Variants in IKZF1 observed in about 807,000 individuals in gnomAD.
IKZF1 encodes IKAROS family zinc finger 1.
Under a neutral mutation model 51.7 loss-of-function variants are expected in IKZF1, and 10 were observed. The observed-to-expected ratio is 0.19, with a 90% CI of 0.12 to 0.33. The LOEUF (loss-of-function observed/expected upper bound fraction) is 0.33. IKZF1 is among the 10% of genes least tolerant of loss of function. The pLI is 1.00. For synonymous variants in IKZF1, 280 were observed against 282.3 expected (o/e 0.99, Z 0.08); for missense variants, 484 against 707.5 (o/e 0.68, Z 3.58).
In IKZF1 at chr7:50,376,947, C is replaced by A; in HGVS notation, c.421+154C>A. The A allele has an allele frequency of 7.7e-7, 1 of 1,293,394 alleles. No homozygotes were observed. Among genetic ancestry groups the A allele is most frequent in the Non-Finnish European group, 1.0e-6 (1 of 959,774 alleles). 80.1% of individuals were successfully genotyped at this position (1,293,394 alleles called of 1,614,324 possible). ...CGATTGGTTCCAAGTGGTACCGAGT[C>A]ATAGAGTCCTTGTTCTGGTACAGCC... On this transcript the variant is annotated intron_variant, in intron 4 of 7. Transcript: ENST00000331340. The surrounding 1 kb of genome is among the most constrained non-coding windows in gnomAD (Gnocchi z 4.5).
At chr7:50,316,588 G>A (rs938338358) in intron 1 of IKZF1, among the ~76,000 whole-genome samples, 6 of 152,216 alleles carry the variant, frequency 3.9e-5, no homozygotes, top group East Asian at 3.8e-4. Context: ...AGACTGGTGC[G>A]GGGACTGTTT....
rs149723334 is a variant in IKZF1, at chr7:50,369,691, C to G, written c.161-6842C>G. 4.9e-4 allele frequency: 193 copies of G among 397,082 alleles called. 2 individuals carry two copies. Among genetic ancestry groups the G allele is most frequent in the African/African-American group, 3.7e-3 (178 of 48,694 alleles). The allele number at this position is 397,082 out of a possible 1,614,324, so 24.6% of individuals were successfully genotyped here. On this transcript the variant is annotated intron_variant, in intron 3 of 7. Coordinates refer to ENST00000331340, the MANE Select transcript of IKZF1 (RefSeq NM_006060.6). ...TTTTCTTCTTGAAAATTAAAAACAA[C>G]CCCTTTCACCCCCTCTACTGTCCTT...
At chr7:50,339,215 T>TTGTGTGTA (rs1554339870) in intron 3 of IKZF1, among the ~76,000 whole-genome samples, 3 of 126,404 alleles carry the variant, frequency 2.4e-5, no homozygotes, top group African/African-American at 9.1e-5. Flanking sequence ...TTGGGTAGGG[T>TTGTGTGTA]TGTGTGTGTG....
chr7:50,319,035 C>T lies in IKZF1; in HGVS notation c.-14-13C>T. 6.3e-7 allele frequency: 1 copy of T among 1,595,870 alleles called. No individual in the cohort carries two copies. The highest frequency in any genetic ancestry group is 2.2e-5 in the East Asian group (1 of 44,726). On this transcript the variant is annotated splice_polypyrimidine_tract_variant and intron_variant, in intron 1 of 7. Transcript: ENST00000331340. ...TTTTGCTTTAAACTAAAATCCCTTCCTCTCTTTCTCAGATAACCTGAGGAC... is the reference window on the plus strand; with the variant it reads ...TTTTGCTTTAAACTAAAATCCCTTCTTCTCTTTCTCAGATAACCTGAGGAC...
rs191660592 is a variant in IKZF1, at chr7:50,368,550, C to T, written c.161-7983C>T. The T allele has an allele frequency of 6.6e-5, 37 of 563,618 alleles. 1 individual carries two copies. In the Admixed American group the frequency reaches 1.0e-3, roughly 16 times the overall value. The allele number at this position is 563,618 out of a possible 1,614,324, so 34.9% of individuals were successfully genotyped here. On this transcript the variant is annotated intron_variant, in intron 3 of 7. Coordinates refer to ENST00000331340, the MANE Select transcript of IKZF1 (RefSeq NM_006060.6). The stretch of plus-strand genomic sequence containing the variant: ...AAGAGAAAATTGCAGGCCTCCAGGC[C>T]GTTATTCTGTGGTGCATCGCTGCTG...
intron 1 of IKZF1, among the ~76,000 whole-genome samples, chr7:50,305,468 T>G (rs1338022727): frequency 2.0e-5 from 3 of 152,320 alleles, no homozygotes; most frequent in Middle Eastern, 3.4e-3. Context: ...ATATTTGAAA[T>G]GTATTTTAAA....
chr7:50,345,775 C>T lies in IKZF1; in HGVS notation c.160+18018C>T, dbSNP rs188662436. Among the ~76,000 whole-genome samples, 805 of 152,292 alleles carry T rather than the reference C, an allele frequency of 5.3e-3. 4 individuals are homozygous for T. Among genetic ancestry groups the T allele is most frequent in the Non-Finnish European group, 8.6e-3 (584 of 68,022 alleles). ...GCAATTCTGCCTGGTTTGTGGCTCA[C>T]GCCTGTAATCCCAGCACTTTGGGAG... On this transcript the variant is annotated intron_variant, in intron 3 of 7. Coordinates refer to ENST00000331340, the MANE Select transcript of IKZF1 (RefSeq NM_006060.6).
At chr7:50,369,649 T>G in intron 3 of IKZF1, 1 of 398,404 alleles carries the variant, frequency 2.5e-6, no homozygotes, top group Non-Finnish European at 4.4e-6. Context: ...AATTGCCCCC[T>G]TTGCCCTCAA....
chr7:50,400,211 G>A lies in IKZF1; in HGVS notation c.1144G>A (p.Val382Met). 1.3e-6 allele frequency: 2 copies of A among 1,585,852 alleles called. No individual in the cohort carries two copies. The highest frequency in any genetic ancestry group is 1.7e-6 in the Non-Finnish European group (2 of 1,167,120). ...NLLLLSKAKL[V>M]PSEREASPSN... ...GCTGCTGCTCTCCAAGGCCAAGTTGGTGCCCTCGGAGCGCGAGGCGTCCCC... is the reference window on the plus strand; with the variant it reads ...GCTGCTGCTCTCCAAGGCCAAGTTGATGCCCTCGGAGCGCGAGGCGTCCCC... The change falls in exon 8 of 8, where the codon GTG (valine) becomes ATG (methionine). Residue 382 changes from valine (V) to methionine (M), a missense_variant. Physicochemically the swap from Val to Met is conservative, Grantham distance 21. Around this residue, in one of 6 missense-constraint regions of IKZF1, gnomAD observed 27 missense variants for 56.8 expected, o/e 0.48. Coordinates refer to ENST00000331340, the MANE Select transcript of IKZF1 (RefSeq NM_006060.6). The surrounding 1 kb of genome is among the most constrained non-coding windows in gnomAD (Gnocchi z 5.4).
intron 3 of IKZF1, among the ~76,000 whole-genome samples, chr7:50,333,589 A>C (rs905571271): frequency 6.6e-6 from 1 of 152,248 alleles, no homozygotes; most frequent in Admixed American, 6.5e-5. Flanking sequence ...GCATCTGAGC[A>C]TTAGCTGCAG....
chr7:50,354,469 G>A (rs1802706181), intron 3 of IKZF1, among the ~76,000 whole-genome samples: 1 of 152,186 alleles, frequency 6.6e-6, no homozygotes, highest in South Asian at 2.1e-4. Context: ...CGAGGGCTCT[G>A]GGTGCCCCCG....
At chr7:50,370,395 G>T (rs1157358544) in intron 3 of IKZF1, among the ~76,000 whole-genome samples, 2 of 152,170 alleles carry the variant, frequency 1.3e-5, no homozygotes, top group Non-Finnish European at 2.9e-5. Context: ...ACAGTGCCTG[G>T]CACAGATTCA....
chr7:50,320,146 A>G (rs945180256), intron 2 of IKZF1, among the ~76,000 whole-genome samples: 2 of 152,210 alleles, frequency 1.3e-5, no homozygotes, highest in Non-Finnish European at 2.9e-5. Context: ...TTTTTCTTTT[A>G]GAGTGAGGCT....
At chr7:50,354,405 G>A (rs1051605979) in intron 3 of IKZF1, among the ~76,000 whole-genome samples, 15 of 152,202 alleles carry the variant, frequency 9.9e-5, no homozygotes, top group Non-Finnish European at 7.3e-5. Context: ...GACAGAGCCC[G>A]TTCCAAAGCC....
At chr7:50,319,248 C>T (rs375544120) in intron 2 of IKZF1, 147 bp downstream of exon 2, 4 of 576,656 alleles carry the variant, frequency 6.9e-6, no homozygotes, top group African/African-American at 5.6e-5. Context: ...CTGAGTGTTT[C>T]CTTCACCTGT....
chr7:50,313,003 A>G (rs947932723), intron 1 of IKZF1, among the ~76,000 whole-genome samples: 3 of 152,234 alleles, frequency 2.0e-5, no homozygotes, highest in Non-Finnish European at 4.4e-5. Flanking sequence ...GAAATGAAAT[A>G]AGAGTGCTCG....
chr7:50,328,024 C>T (rs1257712898), intron 3 of IKZF1: 1 of 422,084 alleles, frequency 2.4e-6, no homozygotes, highest in Non-Finnish European at 4.3e-6. Flanking sequence ...GCGTCTCTGT[C>T]ACTGTCCTCT....
chr7:50,311,084 G>A (rs1790054105), intron 1 of IKZF1, among the ~76,000 whole-genome samples: 1 of 152,034 alleles, frequency 6.6e-6, no homozygotes, highest in Non-Finnish European at 1.5e-5. Context: ...TAATTTTGTG[G>A]GTGTCGTAAA....
rs1810318289 is a variant in IKZF1 at position 50,376,467 on chromosome 7, T to C, written c.161-66T>C. On this transcript the variant is annotated intron_variant, in intron 3 of 7. Coordinates refer to ENST00000331340, the MANE Select transcript of IKZF1 (RefSeq NM_006060.6). The surrounding 1 kb of genome is among the most constrained non-coding windows in gnomAD (Gnocchi z 4.5). The stretch of plus-strand genomic sequence containing the variant: ...ACCTATTTGATTGTCTTTTTGCTGC[T>C]GTGTTGTTTTGTTGAGTTTTTTTTT... The C allele has an allele frequency of 5.1e-6, 8 of 1,582,894 alleles. No individual in the cohort carries two copies. The East Asian group carries it at 1.8e-4, about 35-fold the overall frequency.
Sources: gnomAD v4.1 joint callset for allele counts (sites outside exome capture counted in the v4.1 genomes callset) on GRCh38, gnomAD v4.1.1 for gene constraint, gnomAD v4.1.1 regional missense constraint, Gnocchi (gnomAD v3.1) non-coding constraint, MANE v1.5 for transcripts, NCBI Gene and HGNC (gene_info 2026-07-23, HGNC 2026-07-21) for gene names.